Variants in FAAH2 observed in about 807,000 individuals in gnomAD.
The protein encoded by FAAH2 is fatty acid amide hydrolase 2, also known as fatty-acid amide hydrolase 2.
FAAH2 carries 60 observed loss-of-function variants against 36.9 expected under a neutral mutation model. That is an observed-to-expected ratio of 1.63 (90% CI 1.32 to 2.02). FAAH2 has a LOEUF of 2.02. FAAH2 is among the 30% of genes most tolerant of loss of function. FAAH2 has a pLI of 0.00. For missense variants in FAAH2, 689 were observed against 397.5 expected (o/e 1.73, Z -6.23); for synonymous variants, 214 against 143.8 (o/e 1.49, Z -3.49).
rs779951190 is a variant in FAAH2, at chrX:57,374,129, A to G, written c.743-4522A>G. Among the ~76,000 whole-genome samples, 19 of 111,770 alleles carry G rather than the reference A, an allele frequency of 1.7e-4. No homozygotes were observed. In the East Asian group the frequency reaches 5.1e-3, roughly 30 times the overall value. ...TTTGGTGACTATGGCCTTATAGTATAGTTTGAAATTAGGTAATGTGTTGCC... is the reference window on the plus strand; with the variant it reads ...TTTGGTGACTATGGCCTTATAGTATGGTTTGAAATTAGGTAATGTGTTGCC... On this transcript the variant is annotated intron_variant, in intron 5 of 10. Transcript: ENST00000374900.
intron 8 of FAAH2, among the ~76,000 whole-genome samples, chrX:57,443,253 A>T (rs997891677): frequency 8.9e-6 from 1 of 111,876 alleles, no homozygotes; most frequent in Non-Finnish European, 1.9e-5. Flanking sequence ...TACACCAATC[A>T]GATGTAGATT....
chrX:57,260,660 C>T, the FAAH2 span, among the ~76,000 whole-genome samples: 1 of 110,738 alleles, frequency 9.0e-6, no homozygotes, highest in Admixed American at 9.6e-5. Flanking sequence ...CAAGAATCTA[C>T]AAAAAATCTT....
At chrX:57,162,934 G>A in the FAAH2 span, among the ~76,000 whole-genome samples, 1,331 of 112,570 alleles carry the variant, frequency 0.012, 10 homozygotes, top group African/African-American at 0.026. Flanking sequence ...GAGGAGAGGC[G>A]CTCTGCTTTT....
the FAAH2 span, among the ~76,000 whole-genome samples, chrX:57,163,986 A>G: frequency 2.7e-5 from 3 of 112,450 alleles, no homozygotes; most frequent in Non-Finnish European, 5.6e-5. Context: ...TATTAGGTAT[A>G]ATAACTATCT....
At chrX:57,313,457 A>G (rs1024482639) in intron 3 of FAAH2, among the ~76,000 whole-genome samples, 7 of 109,584 alleles carry the variant, frequency 6.4e-5, no homozygotes, top group Non-Finnish European at 1.3e-4. Flanking sequence ...CAAGGTCAAT[A>G]CAAAAATAAA....
At chrX:57,473,345 T>G (rs1244811057) in intron 10 of FAAH2, among the ~76,000 whole-genome samples, 2 of 111,718 alleles carry the variant, frequency 1.8e-5, no homozygotes, top group Non-Finnish European at 3.8e-5. Flanking sequence ...TTGAGAGATT[T>G]TCTTGTTATT....
intron 5 of FAAH2, among the ~76,000 whole-genome samples, chrX:57,372,825 C>A (rs759285843): frequency 7.3e-5 from 8 of 110,067 alleles, no homozygotes; most frequent in Admixed American, 6.8e-4. Context: ...CACCCATCAC[C>A]CGAGCAGTAT....
intron 7 of FAAH2, among the ~76,000 whole-genome samples, chrX:57,429,338 CAA>C (rs34604723): frequency 1.9e-5 from 1 of 53,125 alleles, no homozygotes; most frequent in Non-Finnish European, 3.2e-5. Flanking sequence ...GATTCCATCT[CAA>C]AAAAAAAAAA....
At chrX:57,165,486 A>G in the FAAH2 span, among the ~76,000 whole-genome samples, 1 of 109,996 alleles carries the variant, frequency 9.1e-6, no homozygotes, top group Non-Finnish European at 1.9e-5. Context: ...TGGGAATTGA[A>G]CAATGAGATC....
the FAAH2 span, among the ~76,000 whole-genome samples, chrX:57,248,347 G>T: frequency 2.7e-5 from 3 of 111,890 alleles, no homozygotes; most frequent in South Asian, 3.7e-4. Flanking sequence ...GGGAACACCT[G>T]CTAGGAGTAA....
At chrX:57,131,176 C>T in the FAAH2 span, among the ~76,000 whole-genome samples, 1 of 105,148 alleles carries the variant, frequency 9.5e-6, no homozygotes, top group Non-Finnish European at 1.9e-5. Context: ...AGCTCCGCTT[C>T]CCGGGTTCAC....
At chrX:57,395,485 T>G in intron 7 of FAAH2, 1 of 433,378 alleles carries the variant, frequency 2.3e-6, no homozygotes. Flanking sequence ...GCTTTAACCT[T>G]ATCCTCATTC....
At chrX:57,343,630 C>A (rs2053746768) in intron 5 of FAAH2, among the ~76,000 whole-genome samples, 1 of 111,243 alleles carries the variant, frequency 9.0e-6, no homozygotes, top group East Asian at 2.8e-4. Context: ...TTAATTTGGT[C>A]CCACTTGCCA....
chrX:57,389,408 G>A (rs1272200595), intron 7 of FAAH2, among the ~76,000 whole-genome samples: 1 of 106,486 alleles, frequency 9.4e-6, no homozygotes, highest in Middle Eastern at 4.9e-3. Context: ...TGGCAACTAC[G>A]ATTCTACTCT....
chrX:57,153,374 T>C, the FAAH2 span, among the ~76,000 whole-genome samples: 1 of 112,293 alleles, frequency 8.9e-6, no homozygotes, highest in Non-Finnish European at 1.9e-5. Flanking sequence ...TCAATGTTAG[T>C]ATTGAGATGT....
the FAAH2 span, among the ~76,000 whole-genome samples, chrX:57,161,032 T>A: frequency 8.9e-6 from 1 of 112,144 alleles, no homozygotes; most frequent in Admixed American, 9.5e-5. Context: ...CTGCTTTGAA[T>A]GTGTCCCAGA....
chrX:57,328,369 T>C (rs1258069008), intron 3 of FAAH2, among the ~76,000 whole-genome samples: 1 of 111,693 alleles, frequency 9.0e-6, no homozygotes, highest in East Asian at 2.8e-4. Context: ...TGTTATTTTT[T>C]CATGAAATTT....
At chrX:57,299,783 A>G (rs1405298411) in intron 2 of FAAH2, among the ~76,000 whole-genome samples, 1 of 112,029 alleles carries the variant, frequency 8.9e-6, no homozygotes, top group African/African-American at 3.2e-5. Context: ...TCAATGTACA[A>G]AAATCACAAG....
At chrX:57,444,061 G>A (rs2056622243) in intron 8 of FAAH2, among the ~76,000 whole-genome samples, 1 of 111,971 alleles carries the variant, frequency 8.9e-6, no homozygotes, top group African/African-American at 3.2e-5. Context: ...GGGGGTCAGG[G>A]ACCCACTTGA....
Sources: allele counts gnomAD v4.1 joint callset (sites outside exome capture counted in the v4.1 genomes callset), GRCh38; gene constraint gnomAD v4.1.1; transcripts MANE v1.5; gene names NCBI Gene and HGNC (gene_info 2026-07-23, HGNC 2026-07-21).